Variants in TMEM232 observed in about 807,000 individuals in gnomAD.
TMEM232 encodes the protein transmembrane protein 232.
A neutral mutation model predicts 78.8 loss-of-function variants in TMEM232; 80 were observed. That is an observed-to-expected ratio of 1.01 (90% CI 0.85 to 1.22). The LOEUF is 1.22. TMEM232 is among the 50% of genes most tolerant of loss of function. TMEM232 has a pLI of 0.00. For missense variants in TMEM232, 881 were observed against 742.2 expected (o/e 1.19, Z -2.17); for synonymous variants, 297 against 254.3 (o/e 1.17, Z -1.60).
At chr5:110,387,523 C>T (rs536869579) in intron 5 of TMEM232, among the ~76,000 whole-genome samples, 21 of 152,246 alleles carry the variant, frequency 1.4e-4, no homozygotes, top group East Asian at 3.9e-4. Context: ...AAATAAACTA[C>T]GACTTTTTTT....
upstream of TMEM232, among the ~76,000 whole-genome samples, chr5:110,731,584 G>T (rs150933928): frequency 6.5e-3 from 997 of 152,278 alleles, 30 homozygotes; most frequent in Admixed American, 0.055. Context: ...AAGCTGCTAA[G>T]GCTTAGGGTT....
At chr5:110,570,197 C>T (rs1776778511) in intron 10 of TMEM232, among the ~76,000 whole-genome samples, 1 of 151,922 alleles carries the variant, frequency 6.6e-6, no homozygotes, top group Non-Finnish European at 1.5e-5. Context: ...ACGTCATTTT[C>T]TCCTTATAGG....
intron 1 of TMEM232, among the ~76,000 whole-genome samples, chr5:110,723,536 T>C (rs1180132392): frequency 1.3e-5 from 2 of 152,288 alleles, no homozygotes; most frequent in African/African-American, 4.8e-5. Flanking sequence ...TAAATGAGTA[T>C]CCTGAAAATC....
At chr5:110,424,784 C>A in intron 13 of TMEM232, 39 bp downstream of exon 13, 2 of 1,449,586 alleles carry the variant, frequency 1.4e-6, no homozygotes, top group Admixed American at 2.1e-5. Flanking sequence ...TTTTAAGGAA[C>A]AAAGCTTTTG....
rs567946999 is a variant in TMEM232 at position 110,563,703 on chromosome 5, A to G, written c.1455+4744T>C. Reference sequence around the variant, plus strand: ...AGGATTTATTTCCTAAATCCCAATAATGGGGATATTGGGTGATACAGTGAC... The same window carrying G: ...AGGATTTATTTCCTAAATCCCAATAGTGGGGATATTGGGTGATACAGTGAC... On this transcript the variant is annotated intron_variant, in intron 11 of 13. Transcript: ENST00000455884. 7.2e-5 allele frequency among the ~76,000 whole-genome samples: 11 copies of G among 152,016 alleles called. No individual in the cohort carries two copies. The South Asian group carries it at 2.3e-3, about 31-fold the overall frequency.
intron 11 of TMEM232, among the ~76,000 whole-genome samples, chr5:110,535,172 C>T (rs563811779): frequency 6.6e-6 from 1 of 152,276 alleles, no homozygotes; most frequent in South Asian, 2.1e-4. Flanking sequence ...CCTGCCTGTA[C>T]ACATCCAGAT....
chr5:110,395,456 GATAA>G (rs1755349011), intron 3 of TMEM232, among the ~76,000 whole-genome samples: 1 of 152,110 alleles, frequency 6.6e-6, no homozygotes, highest in Admixed American at 6.6e-5. Context: ...TCTTACCTGT[GATAA>G]ATAGTGTCTA....
At chr5:110,478,560 A>G (rs1332341892) in intron 12 of TMEM232, among the ~76,000 whole-genome samples, 1 of 151,942 alleles carries the variant, frequency 6.6e-6, no homozygotes, top group African/African-American at 2.4e-5. Flanking sequence ...ATGAGTATAT[A>G]TAAAAACAGA....
At chr5:110,606,373 T>A in intron 8 of TMEM232, 86 bp from the exon 9 acceptor site, 1 of 1,302,674 alleles carries the variant, frequency 7.7e-7, no homozygotes, top group Non-Finnish European at 1.0e-6. Context: ...ATGAAATAGG[T>A]CAGAGGAAAT....
chr5:110,646,574 G>GT (rs766569337), intron 2 of TMEM232, among the ~76,000 whole-genome samples: 1 of 151,688 alleles, frequency 6.6e-6, no homozygotes, highest in Non-Finnish European at 1.5e-5. Context: ...AGACTTAAAT[G>GT]TAAGGCCTGA....
At chr5:110,638,881 G>T (rs1363477) in intron 4 of TMEM232, among the ~76,000 whole-genome samples, 47,412 of 152,020 alleles carry the variant, frequency 0.31, 9,931 homozygotes, top group African/African-American at 0.6. Flanking sequence ...AAGGCAGTGC[G>T]AAAGATAAAA....
rs553773306 is a variant in TMEM232, at chr5:110,566,398, C to T, written c.1455+2049G>A. 7.9e-5 allele frequency among the ~76,000 whole-genome samples: 12 copies of T among 151,892 alleles called. No individual in the cohort carries two copies. The South Asian group carries it at 2.5e-3, about 31-fold the overall frequency. Reference sequence around the variant, plus strand: ...TCTGCTGCAGGCTTGAATTCCTTCCCAAAAAATGGGATGCAGGCTGCAAAT... The same window carrying T: ...TCTGCTGCAGGCTTGAATTCCTTCCTAAAAAATGGGATGCAGGCTGCAAAT... On this transcript the variant is annotated intron_variant, in intron 11 of 13. Coordinates refer to ENST00000455884, the MANE Select transcript of TMEM232 (RefSeq NM_001039763.4).
intron 11 of TMEM232, among the ~76,000 whole-genome samples, chr5:110,530,863 TCAAAAA>T (rs1771355758): frequency 1.3e-5 from 2 of 152,168 alleles, no homozygotes; most frequent in Non-Finnish European, 2.9e-5. Flanking sequence ...TTAAATGTTC[TCAAAAA>T]AGAAATAATA....
intron 12 of TMEM232, among the ~76,000 whole-genome samples, chr5:110,446,030 G>A (rs1234936985): frequency 1.3e-5 from 2 of 152,160 alleles, no homozygotes; most frequent in Non-Finnish European, 2.9e-5. Flanking sequence ...TCAGAGGCTA[G>A]GATCACCGGA....
intron 3 of TMEM232, among the ~76,000 whole-genome samples, chr5:110,391,998 A>T (rs151062394): frequency 6.6e-6 from 1 of 152,182 alleles, no homozygotes. Flanking sequence ...TGGCATATGC[A>T]TTGTTACCCT....
chr5:110,730,003 T>TTA (rs1798527000), upstream of TMEM232, among the ~76,000 whole-genome samples: 1 of 152,214 alleles, frequency 6.6e-6, no homozygotes, highest in Admixed American at 6.5e-5. Context: ...CTGAGTGCTC[T>TTA]TATATAGCAC....
chr5:110,441,374 T>G (rs1331800800), intron 12 of TMEM232, among the ~76,000 whole-genome samples: 1 of 152,146 alleles, frequency 6.6e-6, no homozygotes, highest in African/African-American at 2.4e-5. Flanking sequence ...AAGAAACACA[T>G]GAAATGTTAT....
intron 2 of TMEM232, among the ~76,000 whole-genome samples, chr5:110,398,250 G>A (rs374043378): frequency 6.6e-6 from 1 of 152,074 alleles, no homozygotes; most frequent in Non-Finnish European, 1.5e-5. Context: ...TTATACTGAT[G>A]GGAAAAATTT....
At chr5:110,719,428 G>T (rs1400003544) in intron 1 of TMEM232, among the ~76,000 whole-genome samples, 1 of 151,804 alleles carries the variant, frequency 6.6e-6, no homozygotes, top group South Asian at 2.1e-4. Context: ...ATTTGTAATG[G>T]CTATTTCAAA....
Sources: allele counts gnomAD v4.1 joint callset (sites outside exome capture counted in the v4.1 genomes callset), GRCh38; gene constraint gnomAD v4.1.1; transcripts MANE v1.5; gene names NCBI Gene and HGNC (gene_info 2026-07-23, HGNC 2026-07-21).